The following APLP1 variants were observed in gnomAD, a reference collection of about 807,000 sequenced individuals.
APLP1 encodes amyloid beta (A4) precursor-like protein 1.
APLP1 carries 46 observed loss-of-function variants against 84.5 expected under a neutral mutation model. The observed-to-expected ratio is 0.54, with a 90% CI of 0.43 to 0.70. APLP1 has a LOEUF of 0.70. Among genes scored for constraint, APLP1 ranks in the 30% least tolerant of loss-of-function variants. APLP1 has a pLI of 0.00. For synonymous variants in APLP1, 376 were observed against 364.0 expected, an observed-to-expected ratio of 1.03 and a Z score of -0.38; for missense variants, 826 against 900.2, an observed-to-expected ratio of 0.92 and a Z score of 1.05.
chr19:35,875,160 CTT>C (rs71167572), intron 10 of APLP1, among the ~76,000 whole-genome samples: 4 of 115,744 alleles, frequency 3.5e-5, no homozygotes, highest in Admixed American at 9.2e-5. Context: ...CCAGAATCGT[CTT>C]TTTTTTTTTT....
intron 10 of APLP1, among the ~76,000 whole-genome samples, chr19:35,875,906 ACCATGC>A (rs770196409): frequency 3.0e-4 from 45 of 151,266 alleles, no homozygotes; most frequent in Non-Finnish European, 4.1e-4. Context: ...GGCGTGAGCC[ACCATGC>A]CCGGCCAGAA....
At chr19:35,877,107 C>G (rs780687552) in intron 11 of APLP1, among the ~76,000 whole-genome samples, 1 of 152,186 alleles carries the variant, frequency 6.6e-6, no homozygotes, top group South Asian at 2.1e-4. Flanking sequence ...ATATGCATAC[C>G]GGAAAGTGTG....
chr19:35,873,905 C>T (rs985701732), intron 8 of APLP1, among the ~76,000 whole-genome samples, 192 bp downstream of exon 8: 26 of 152,214 alleles, frequency 1.7e-4, no homozygotes, highest in African/African-American at 5.8e-4. Flanking sequence ...CTCTCCTCCC[C>T]AGATTGGCCA....
chr19:35,879,090 G>A lies in APLP1; in HGVS notation c.1730G>A (p.Gly577Glu). ...TCCCTGCAGGCACCAGCTGGGACAG[G>A]GGTGTCCCGTGAGGCTGTGTCGGGT... is the stretch of plus-strand genomic sequence containing the variant. ...QRDELAPAGTGVSREAVSGLL... is the reference protein window; with the variant it reads ...QRDELAPAGTEVSREAVSGLL... The change falls in exon 16 of 17, where the codon GGG (glycine) becomes GAG (glutamate). Residue 577 changes from glycine to glutamate, a missense_variant. Gly to Glu is a moderately conservative substitution (Grantham distance 98). Around this residue, in one of 3 missense-constraint regions of APLP1, gnomAD observed 433 missense variants for 496.5 expected, o/e 0.87. Coordinates refer to ENST00000221891, the MANE Select transcript of APLP1 (RefSeq NM_001024807.3). 3.7e-6 allele frequency: 6 copies of A among 1,612,192 alleles called. No individual in the cohort carries two copies. Among genetic ancestry groups the A allele is most frequent in the Non-Finnish European group, 5.1e-6 (6 of 1,179,994 alleles).
At chr19:35,878,676 G>T in intron 14 of APLP1, 22 bp downstream of exon 14, 1 of 1,613,706 alleles carries the variant, frequency 6.2e-7, no homozygotes, top group Non-Finnish European at 8.5e-7. Flanking sequence ...AGAACTGTGG[G>T]CTCCCTAAGG....
intron 6 of APLP1, 54 bp from the exon 7 acceptor site, chr19:35,872,429 A>C: frequency 1.3e-6 from 2 of 1,583,830 alleles, no homozygotes; most frequent in South Asian, 1.2e-5. Context: ...TCTAGGTAGA[A>C]AAGGCGACCT....
At chr19:35,879,299 C>CA in intron 16 of APLP1, 44 bp from the exon 17 acceptor site, 1 of 1,610,458 alleles carries the variant, frequency 6.2e-7, no homozygotes, top group South Asian at 1.1e-5. Context: ...CGGGCAGTCC[C>CA]GCCCCCGCAC....
intron 12 of APLP1, 32 bp downstream of exon 12, chr19:35,877,857 C>T (rs1367364085): frequency 6.4e-7 from 1 of 1,552,280 alleles, no homozygotes; most frequent in Non-Finnish European, 8.8e-7. Context: ...TGACCCCAGA[C>T]ATTAGGGAAC....
Position 35,870,890 on chromosome 19 carries a change from C to A in APLP1, c.292-6C>A. The A allele has an allele frequency of 6.2e-7, 1 of 1,603,950 alleles. No individual in the cohort carries two copies. Among genetic ancestry groups the A allele is most frequent in the Admixed American group, 1.7e-5 (1 of 58,314 alleles). On this transcript the variant is annotated splice_polypyrimidine_tract_variant and splice_region_variant and intron_variant, in intron 2 of 16. Transcript: ENST00000221891. ...TGGGCTGATTGCCCCCATCTGATCC[C>A]CCCAGATGTACCCGGAGCTGCAGAT...
rs1974281286 is a variant in APLP1, at chr19:35,876,367, G to A, written c.1345-150G>A. 9.3e-6 allele frequency: 6 copies of A among 641,838 alleles called. No individual in the cohort carries two copies. The Admixed American group carries it at 1.3e-4, about 14-fold the overall frequency. The allele number at this position is 641,838 out of a possible 1,614,324, so 39.8% of individuals were successfully genotyped here. A position where few individuals can be genotyped will look rare whatever the true frequency, so the allele number is the denominator to read the frequency against. ...TATTCTTCAATTTCCTTCTCCTATG[G>A]CCCAGTTCCTAACCCTTGTACCACA... On this transcript the variant is annotated intron_variant, in intron 10 of 16. Transcript: ENST00000221891.
At chr19:35,875,076 C>T (rs1195934912) in intron 10 of APLP1, among the ~76,000 whole-genome samples, 1 of 151,684 alleles carries the variant, frequency 6.6e-6, no homozygotes, top group African/African-American at 2.4e-5. Flanking sequence ...TTGACCCCTG[C>T]TTCTTGGCCC....
At chr19:35,877,944 G>A in intron 12 of APLP1, 119 bp downstream of exon 12, 1 of 1,290,756 alleles carries the variant, frequency 7.7e-7, no homozygotes, top group Non-Finnish European at 1.1e-6. Context: ...AGGATGAGGA[G>A]GAACGTCTAA....
intron 10 of APLP1, among the ~76,000 whole-genome samples, chr19:35,875,549 C>T (rs775633873): frequency 6.6e-6 from 1 of 152,164 alleles, no homozygotes; most frequent in African/African-American, 2.4e-5. Flanking sequence ...TGGTCTTGAA[C>T]TCGACCTCAG....
intron 2 of APLP1, chr19:35,870,166 G>A (rs1049380939): frequency 1.3e-5 from 4 of 317,276 alleles, no homozygotes; most frequent in East Asian, 6.6e-5. Context: ...AGCTGGGGGG[G>A]CGTGGCCATG....
Position 35,876,583 on chromosome 19 carries a change from C to A in APLP1, c.1411C>A (p.Pro471Thr). ...GAGCCTGGGCCTGCTTGACCAGAAC[C>A]CCCACCTGGCTCAGGAGCTGCGGCC... ...NQSLGLLDQN[P>T]HLAQELRPQI... is the part of the protein sequence containing the mutation. The change falls in exon 11 of 17, where the codon CCC becomes ACC. Residue 471 changes from proline to threonine, a missense_variant. By Grantham distance (38) the Pro-to-Thr change is conservative (BLOSUM62 -1). This residue lies in a region of APLP1 where 433 missense variants were observed against 496.5 expected (regional missense o/e 0.87). Transcript: ENST00000221891. The A allele has an allele frequency of 6.2e-7, 1 of 1,612,860 alleles. No individual in the cohort carries two copies. Among genetic ancestry groups the A allele is most frequent in the Non-Finnish European group, 8.5e-7 (1 of 1,179,168 alleles).
Position 35,872,517 on chromosome 19 carries a change from T to C in APLP1, c.885T>C (p.Asp295=). The C allele has an allele frequency of 6.2e-7, 1 of 1,613,766 alleles. No individual in the cohort carries two copies. The highest frequency in any genetic ancestry group is 1.3e-5 in the African/African-American group (1 of 74,992). The change falls in exon 7 of 17, where the codon GAT becomes GAC. Residue 295 remains aspartate (D), a synonymous_variant. Coordinates refer to ENST00000221891, the MANE Select transcript of APLP1 (RefSeq NM_001024807.3). ...CCCCGAGGCCCACAGACGGTGTGGA[T>C]ATTTACTTTGGCATGCCTGGGGAAA... is the stretch of plus-strand genomic sequence containing the variant. The part of the protein sequence containing the change: ...TPTPRPTDGV[D]IYFGMPGEIS...
chr19:35,878,805 G>A, intron 14 of APLP1, 85 bp from the exon 15 acceptor site: 1 of 1,569,498 alleles, frequency 6.4e-7, no homozygotes, highest in Non-Finnish European at 8.8e-7. Context: ...GAAAATGAGA[G>A]GGCTGGGGGA....
At position 35,876,623 on chromosome 19, in the gene APLP1, G is replaced by A; in HGVS notation, c.1444+7G>A. On this transcript the variant is annotated splice_region_variant and intron_variant, in intron 11 of 16. Transcript: ENST00000221891. ...GAGCTGCGGCCCCAAATCCGTGAGT[G>A]TCTATTACCCTGGCTCCCATTACAG... 6.2e-7 allele frequency: 1 copy of A among 1,606,358 alleles called. No individual in the cohort carries two copies. Among genetic ancestry groups the A allele is most frequent in the Non-Finnish European group, 8.5e-7 (1 of 1,175,480 alleles).
intron 4 of APLP1, 61 bp from the exon 5 acceptor site, chr19:35,871,551 A>G: frequency 2.5e-6 from 4 of 1,601,396 alleles, no homozygotes; most frequent in Non-Finnish European, 2.6e-6. Flanking sequence ...CTGGCAGCCC[A>G]GTTCCCCATC....
Sources: allele counts gnomAD v4.1 joint callset (sites outside exome capture counted in the v4.1 genomes callset), GRCh38; gene constraint gnomAD v4.1.1; regional missense constraint gnomAD v4.1.1; transcripts MANE v1.5; gene names NCBI Gene and HGNC (gene_info 2026-07-23, HGNC 2026-07-21).